KIAA1549L: variants seen among roughly 807,000 people sequenced by gnomAD.
KIAA1549L encodes KIAA1549 like.
In KIAA1549L, 88 loss-of-function variants were observed where a neutral mutation model predicts 160.7. That is an observed-to-expected ratio of 0.55 (90% CI 0.46 to 0.65). The LOEUF (loss-of-function observed/expected upper bound fraction) is 0.65. Ranked by LOEUF, KIAA1549L falls within the 30% of genes least tolerant of loss-of-function variation. The probability of loss-of-function intolerance (pLI) is 0.00; values close to 1 mark genes in which losing one functional copy is unlikely to be tolerated. For missense variants in KIAA1549L, 2,258 were observed against 2,437.5 expected (o/e 0.93, Z 1.55); for synonymous variants, 950 against 976.7 (o/e 0.97, Z 0.51).
In KIAA1549L at chr11:33,633,026, A is replaced by G. The variant is rs1590419670; in HGVS notation, c.5410-12660A>G. On this transcript the variant is annotated intron_variant, in intron 16 of 20. Transcript: ENST00000658780. Reference sequence around the variant, plus strand: ...GTTTCATTCTTGTTGCCCAGGCTGGAGTGCAATGGTGTGGTCTCAGCTCAC... The same window carrying G: ...GTTTCATTCTTGTTGCCCAGGCTGGGGTGCAATGGTGTGGTCTCAGCTCAC... Among the ~76,000 whole-genome samples, 5 of 146,842 alleles carry G rather than the reference A, an allele frequency of 3.4e-5. No individual in the cohort carries two copies. In the South Asian group the frequency reaches 1.1e-3, roughly 34 times the overall value.
chr11:33,546,646 T>G (rs941873714), intron 3 of KIAA1549L, among the ~76,000 whole-genome samples: 2 of 152,204 alleles, frequency 1.3e-5, no homozygotes, highest in Admixed American at 1.3e-4. Flanking sequence ...AAGAACCTTC[T>G]AAAATGCATT....
chr11:33,598,275 A>T (rs1261857608), intron 12 of KIAA1549L, among the ~76,000 whole-genome samples: 1 of 151,742 alleles, frequency 6.6e-6, no homozygotes, highest in African/African-American at 2.4e-5. Flanking sequence ...AGAATAAGGC[A>T]TAGTTGAGTT....
At chr11:33,559,277 C>G (rs1430787948) in intron 6 of KIAA1549L, among the ~76,000 whole-genome samples, 1 of 152,196 alleles carries the variant, frequency 6.6e-6, no homozygotes, top group Non-Finnish European at 1.5e-5. Context: ...CAGTTGAGCC[C>G]TCCTTCAATG....
chr11:33,467,291 A>G (rs1852083810), intron 1 of KIAA1549L, among the ~76,000 whole-genome samples: 1 of 152,180 alleles, frequency 6.6e-6, no homozygotes, highest in African/African-American at 2.4e-5. Context: ...GGAGATGAGA[A>G]TGTCAGTCTG....
chr11:33,656,789 G>C (rs1194633839), intron 18 of KIAA1549L, among the ~76,000 whole-genome samples: 1 of 152,118 alleles, frequency 6.6e-6, no homozygotes, highest in Non-Finnish European at 1.5e-5. Flanking sequence ...TGTGAATGGG[G>C]AAGAAAAATA....
intron 9 of KIAA1549L, among the ~76,000 whole-genome samples, chr11:33,570,331 A>C (rs1272023212): frequency 6.6e-6 from 1 of 152,088 alleles, no homozygotes; most frequent in Non-Finnish European, 1.5e-5. Flanking sequence ...AGCTCAGTGC[A>C]CTTGGCCCCT....
In KIAA1549L at chr11:33,600,651, C is replaced by T. The variant is rs1421323938; in HGVS notation, c.4879+1704C>T. Among the ~76,000 whole-genome samples the T allele has an allele frequency of 5.3e-5, 8 of 152,150 alleles. No individual in the cohort carries two copies. The East Asian group carries it at 1.5e-3, about 29-fold the overall frequency. ...CTCCTCCAGATGCCCCACTCACCCA[C>T]CCCAGTCCTCAGAGGACCCCGAATA... On this transcript the variant is annotated intron_variant, in intron 13 of 20. Coordinates refer to ENST00000658780, the MANE Select transcript of KIAA1549L (RefSeq NM_012194.3).
At chr11:33,557,969 T>G (rs1854704259) in intron 6 of KIAA1549L, among the ~76,000 whole-genome samples, 1 of 151,870 alleles carries the variant, frequency 6.6e-6, no homozygotes, top group Admixed American at 6.6e-5. Context: ...TGGGAAAAAG[T>G]GGGAAATAAA....
intron 1 of KIAA1549L, among the ~76,000 whole-genome samples, chr11:33,411,460 C>T (rs191306368): frequency 7.9e-5 from 12 of 152,272 alleles, no homozygotes; most frequent in African/African-American, 1.9e-4. Flanking sequence ...GCATACCTCT[C>T]GGCTAGTGGA....
At chr11:33,469,323 T>C (rs950370082) in intron 1 of KIAA1549L, among the ~76,000 whole-genome samples, 2 of 152,210 alleles carry the variant, frequency 1.3e-5, no homozygotes, top group South Asian at 4.1e-4. Flanking sequence ...CATGGCATGA[T>C]GTTTTCCAGG....
At chr11:33,387,527 A>T (rs1378927058) in intron 1 of KIAA1549L, among the ~76,000 whole-genome samples, 2 of 152,118 alleles carry the variant, frequency 1.3e-5, no homozygotes, top group Non-Finnish European at 2.9e-5. Context: ...TCTGGTCTCG[A>T]ACTCCTAACC....
chr11:33,526,996 C>T (rs535192789), intron 1 of KIAA1549L, among the ~76,000 whole-genome samples: 4 of 151,988 alleles, frequency 2.6e-5, no homozygotes, highest in Non-Finnish European at 4.4e-5. Flanking sequence ...GACATACTTA[C>T]AGAAATGCAA....
At chr11:33,538,557 C>A (rs1238715678) in intron 1 of KIAA1549L, among the ~76,000 whole-genome samples, 1 of 152,140 alleles carries the variant, frequency 6.6e-6, no homozygotes, top group Non-Finnish European at 1.5e-5. Context: ...GAATGGTGAA[C>A]CTGATCCCCT....
intron 13 of KIAA1549L, among the ~76,000 whole-genome samples, chr11:33,605,185 GTTTTGTTT>G (rs1400355322): frequency 1.9e-4 from 27 of 143,108 alleles, no homozygotes; most frequent in African/African-American, 5.5e-4. Context: ...GTTTTGTTTT[GTTTTGTTT>G]TTTTACAACT....
rs1565135870 is a variant in KIAA1549L at position 33,435,798 on chromosome 11, A to ATATGTGTGTGTGTGTGTG, written c.238+58912_238+58913insGTGTGTGTGTGTGTGTAT. On this transcript the variant is annotated intron_variant, in intron 1 of 20. Transcript: ENST00000658780. ...TATATATATATATATATATATATAT[A>ATATGTGTGTGTGTGTGTG]TATATATATATATGTGTGTGTATAT... is the stretch of plus-strand genomic sequence containing the variant. Among the ~76,000 whole-genome samples, 15 of 7,624 alleles carry ATATGTGTGTGTGTGTGTG rather than the reference A, an allele frequency of 2.0e-3. 2 individuals are homozygous for ATATGTGTGTGTGTGTGTG. Among genetic ancestry groups the ATATGTGTGTGTGTGTGTG allele is most frequent in the East Asian group, 9.4e-3 (1 of 106 alleles). 5.0% of individuals were successfully genotyped at this position (7,624 alleles called of 152,430 possible). A position where few individuals can be genotyped will look rare whatever the true frequency, so the allele number is the denominator to read the frequency against.
In KIAA1549L at chr11:33,634,065, CAG is replaced by C. The variant is rs1264865755; in HGVS notation, c.5410-11618_5410-11617del. Among the ~76,000 whole-genome samples, 3 of 152,206 alleles carry C rather than the reference CAG, an allele frequency of 2.0e-5. No individual in the cohort carries two copies. In the East Asian group the frequency reaches 5.8e-4, roughly 29 times the overall value. On this transcript the variant is annotated intron_variant, in intron 16 of 20. Transcript: ENST00000658780. ...TGTTGTTGTTGTTGTTGTTTTGAGA[CAG>C]AGTCTCATTCTGTCGCCCAGGCTGG...
At chr11:33,480,835 C>A (rs988969095) in intron 1 of KIAA1549L, among the ~76,000 whole-genome samples, 3 of 152,136 alleles carry the variant, frequency 2.0e-5, no homozygotes, top group African/African-American at 7.2e-5. Context: ...TCCTAGCAGC[C>A]ATGTGTCACC....
intron 1 of KIAA1549L, among the ~76,000 whole-genome samples, chr11:33,440,278 C>T (rs1172714371): frequency 1.3e-5 from 2 of 149,798 alleles, no homozygotes; most frequent in African/African-American, 2.4e-5. Flanking sequence ...TACAGGCGCC[C>T]GCCACTACGC....
rs374807562 is a variant in KIAA1549L at position 33,491,153 on chromosome 11, C to T, written c.239-50649C>T. On this transcript the variant is annotated intron_variant, in intron 1 of 20. Coordinates refer to ENST00000658780, the MANE Select transcript of KIAA1549L (RefSeq NM_012194.3). ...TGCCTGATTCATAAGTTGCCAAATC[C>T]ATGTGTTTTAAACAGATGACTAATG... 3.9e-5 allele frequency among the ~76,000 whole-genome samples: 6 copies of T among 152,224 alleles called. No individual in the cohort carries two copies. The East Asian group carries it at 7.7e-4, about 20-fold the overall frequency.
Sources: gnomAD v4.1 joint callset for allele counts (sites outside exome capture counted in the v4.1 genomes callset) on GRCh38, gnomAD v4.1.1 for gene constraint, MANE v1.5 for transcripts, NCBI Gene and HGNC (gene_info 2026-07-23, HGNC 2026-07-21) for gene names.